PCDHGC3: variants seen among roughly 807,000 people sequenced by gnomAD.
PCDHGC3 encodes the protein protocadherin gamma-C3.
Under a neutral mutation model 59.2 loss-of-function variants are expected in PCDHGC3, and 26 were observed. The observed-to-expected ratio is 0.44, with a 90% CI of 0.32 to 0.61. PCDHGC3 has a LOEUF of 0.61. Ranked by LOEUF, PCDHGC3 falls within the 20% of genes least tolerant of loss-of-function variation. The pLI, the probability that PCDHGC3 is intolerant of heterozygous loss-of-function variation, is 0.05. For synonymous variants in PCDHGC3, 487 were observed against 519.7 expected (o/e 0.94, Z 0.86); for missense variants, 1,080 against 1,221.8 (o/e 0.88, Z 1.73).
rs1228831823 is a variant in PCDHGC3, at chr5:141,487,778, T to C, written c.2431-7029T>C. ...GGTAGACGCTGTGCTTTGTAACTGT[T>C]TCGTGAATTAACCAGAGTTGTCACA... On this transcript the variant is annotated intron_variant, in intron 1 of 3. Coordinates refer to ENST00000308177, the MANE Select transcript of PCDHGC3 (RefSeq NM_002588.4). The surrounding 1 kb of genome is among the most constrained non-coding windows in gnomAD (Gnocchi z 5.0). The C allele has an allele frequency of 6.5e-7, 1 of 1,531,514 alleles. No individual in the cohort carries two copies. The highest frequency in any genetic ancestry group is 2.0e-5 in the Admixed American group (1 of 49,632). 94.9% of individuals were successfully genotyped at this position (1,531,514 alleles called of 1,614,324 possible).
intron 2 of PCDHGC3, among the ~76,000 whole-genome samples, chr5:141,499,575 T>TCCCTA (rs2099792820): frequency 1.3e-5 from 2 of 152,202 alleles, no homozygotes; most frequent in Non-Finnish European, 2.9e-5. Context: ...CTTCAACTAA[T>TCCCTA]GCCTTATCTT....
At position 141,487,488 on chromosome 5, in the gene PCDHGC3, G is replaced by A; in HGVS notation, c.2431-7319G>A. ...GATGTGGGAGGCCACTCTCATGGCT[G>A]TACACCCTTGGCTTCTGCACCCACT... On this transcript the variant is annotated intron_variant, in intron 1 of 3. Transcript: ENST00000308177. This position sits in a 1 kb window ranked among gnomAD's most constrained non-coding sequence, Gnocchi z 5.0. The A allele has an allele frequency of 6.2e-7, 1 of 1,614,204 alleles. No homozygotes were observed. The highest frequency in any genetic ancestry group is 8.5e-7 in the Non-Finnish European group (1 of 1,180,038).
In PCDHGC3 at chr5:141,491,789, T is replaced by G; in HGVS notation, c.2431-3018T>G. The G allele has an allele frequency of 6.6e-7, 1 of 1,525,854 alleles. No individual in the cohort carries two copies. Among genetic ancestry groups the G allele is most frequent in the Non-Finnish European group, 8.8e-7 (1 of 1,137,340 alleles). The allele number at this position is 1,525,854 out of a possible 1,614,324, so 94.5% of individuals were successfully genotyped here. ...CATAAGGGATTGAACTTGCATCCAC[T>G]CCTCTCCGGCCGGCTTGGTCGCTGG... On this transcript the variant is annotated intron_variant, in intron 1 of 3. Transcript: ENST00000308177. The surrounding 1 kb of genome is among the most constrained non-coding windows in gnomAD (Gnocchi z 6.9).
chr5:141,503,671 A>G (rs1028896082), intron 2 of PCDHGC3, among the ~76,000 whole-genome samples: 2 of 151,950 alleles, frequency 1.3e-5, no homozygotes, highest in Non-Finnish European at 2.9e-5. Flanking sequence ...AACTCTTCCC[A>G]CTTTTGGGAA....
intron 2 of PCDHGC3, among the ~76,000 whole-genome samples, chr5:141,501,420 T>C (rs1429838126): frequency 6.6e-6 from 1 of 152,006 alleles, no homozygotes; most frequent in Non-Finnish European, 1.5e-5. Context: ...AATAGTTGAC[T>C]AAATGTAGTC....
chr5:141,492,461 G>T (rs1218833302), intron 1 of PCDHGC3, among the ~76,000 whole-genome samples: 1 of 152,212 alleles, frequency 6.6e-6, no homozygotes, highest in Non-Finnish European at 1.5e-5. Flanking sequence ...CGCGCCTGAG[G>T]GTCCCAGATC....
rs1231863269 is a variant in PCDHGC3 at position 141,485,594 on chromosome 5, G to A, written c.2430+7048G>A. 1.9e-6 allele frequency: 3 copies of A among 1,612,578 alleles called. No individual in the cohort carries two copies. The highest frequency in any genetic ancestry group is 2.5e-6 in the Non-Finnish European group (3 of 1,178,798). On this transcript the variant is annotated intron_variant, in intron 1 of 3. Transcript: ENST00000308177. The surrounding 1 kb of genome is among the most constrained non-coding windows in gnomAD (Gnocchi z 5.7). ...TTTTCCGCGGCAGCAGCTGGACTTGGAAATTGGGGAGGCAGCTCCTCCAGG... is the reference window on the plus strand; with the variant it reads ...TTTTCCGCGGCAGCAGCTGGACTTGAAAATTGGGGAGGCAGCTCCTCCAGG...
chr5:141,485,454 C>T lies in PCDHGC3; in HGVS notation c.2430+6908C>T. On this transcript the variant is annotated intron_variant, in intron 1 of 3. Transcript: ENST00000308177. This position sits in a 1 kb window ranked among gnomAD's most constrained non-coding sequence, Gnocchi z 5.7. Reference sequence around the variant, plus strand: ...ATCAAGAACCCAATCGACCGAGAGGCACTGTGTGGGCTCAGTGCCAGCTGC... The same window carrying T: ...ATCAAGAACCCAATCGACCGAGAGGTACTGTGTGGGCTCAGTGCCAGCTGC... The T allele has an allele frequency of 6.2e-7, 1 of 1,614,162 alleles. No homozygotes were observed. Among genetic ancestry groups the T allele is most frequent in the East Asian group, 2.2e-5 (1 of 44,868 alleles).
chr5:141,482,248 C>G (rs1056466272), intron 1 of PCDHGC3, among the ~76,000 whole-genome samples: 1 of 152,084 alleles, frequency 6.6e-6, no homozygotes, highest in African/African-American at 2.4e-5. Context: ...AAGTATAGTA[C>G]TGTACATATT....
intron 1 of PCDHGC3, among the ~76,000 whole-genome samples, chr5:141,480,753 G>A (rs1418880497): frequency 1.3e-5 from 2 of 152,144 alleles, no homozygotes; most frequent in Non-Finnish European, 2.9e-5. Flanking sequence ...ATCATTTTTT[G>A]AAGGTCCCCA....
rs1375469711 is a variant in PCDHGC3, at chr5:141,512,102, C to A, written c.*929C>A. On this transcript the variant is annotated 3_prime_UTR_variant, in exon 4 of 4. Coordinates refer to ENST00000308177, the MANE Select transcript of PCDHGC3 (RefSeq NM_002588.4). ...GCCATAAACCAATAACTAGGCTGGA[C>A]CCTTCCCACTACATAATAGGGCTCA... The A allele has an allele frequency of 6.5e-6, 1 of 152,688 alleles. No individual in the cohort carries two copies. Among genetic ancestry groups the A allele is most frequent in the Non-Finnish European group, 1.5e-5 (1 of 68,070 alleles). The allele number at this position is 152,688 out of a possible 1,614,324, so 9.5% of individuals were successfully genotyped here. A position where few individuals can be genotyped will look rare whatever the true frequency, so the allele number is the denominator to read the frequency against.
Position 141,485,465 on chromosome 5 carries a change from C to A in PCDHGC3, c.2430+6919C>A, listed in dbSNP as rs2099614061. 6.2e-7 allele frequency: 1 copy of A among 1,614,044 alleles called. No homozygotes were observed. Among genetic ancestry groups the A allele is most frequent in the African/African-American group, 1.3e-5 (1 of 74,918 alleles). ...AATCGACCGAGAGGCACTGTGTGGG[C>A]TCAGTGCCAGCTGCATCGTGCCCCT... On this transcript the variant is annotated intron_variant, in intron 1 of 3. Transcript: ENST00000308177. This position sits in a 1 kb window ranked among gnomAD's most constrained non-coding sequence, Gnocchi z 5.7.
intron 1 of PCDHGC3, 96 bp downstream of exon 1, chr5:141,478,642 T>C (rs777741719): frequency 6.4e-7 from 1 of 1,552,350 alleles, no homozygotes; most frequent in Non-Finnish European, 8.7e-7. Context: ...GTGATGAAGA[T>C]GTTTTCCTGG....
At chr5:141,501,355 A>G (rs936121172) in intron 2 of PCDHGC3, among the ~76,000 whole-genome samples, 4 of 151,760 alleles carry the variant, frequency 2.6e-5, no homozygotes, top group African/African-American at 9.7e-5. Flanking sequence ...ATAGGGCAAG[A>G]ACCATATTCA....
At chr5:141,508,879 G>A (rs2547559) in intron 3 of PCDHGC3, among the ~76,000 whole-genome samples, 2 of 152,070 alleles carry the variant, frequency 1.3e-5, no homozygotes, top group East Asian at 3.9e-4. Context: ...AGAGGCTGAC[G>A]GCTGGAGGGG....
At position 141,485,437 on chromosome 5, in the gene PCDHGC3, C is replaced by A. The variant is rs2099613420; in HGVS notation, c.2430+6891C>A. The A allele has an allele frequency of 6.2e-7, 1 of 1,614,174 alleles. No individual in the cohort carries two copies. Among genetic ancestry groups the A allele is most frequent in the Non-Finnish European group, 8.5e-7 (1 of 1,180,028 alleles). On this transcript the variant is annotated intron_variant, in intron 1 of 3. Transcript: ENST00000308177. The surrounding 1 kb of genome is among the most constrained non-coding windows in gnomAD (Gnocchi z 5.7). ...ACAGCGGAGCCCTGCTCATCAAGAA[C>A]CCAATCGACCGAGAGGCACTGTGTG...
In PCDHGC3 at chr5:141,476,336, C is replaced by A; in HGVS notation, c.220C>A (p.Arg74=). 18 of 1,614,008 alleles carry A rather than the reference C, an allele frequency of 1.1e-5. No homozygotes were observed. Among genetic ancestry groups the A allele is most frequent in the Non-Finnish European group, 1.5e-5 (18 of 1,180,008 alleles). ...RRFRVVSGAS[R]RFFEVNRETG... is the part of the protein sequence containing the mutation. ...GTTCCGGGTGGTGTCTGGAGCTAGC[C>A]GAAGATTCTTTGAGGTGAACCGGGA... Residue 74 remains arginine (R), a synonymous_variant, in exon 1 of 4, where the codon CGA becomes AGA. Coordinates refer to ENST00000308177, the MANE Select transcript of PCDHGC3 (RefSeq NM_002588.4). The surrounding 1 kb of genome is among the most constrained non-coding windows in gnomAD (Gnocchi z 7.6).
intron 3 of PCDHGC3, among the ~76,000 whole-genome samples, chr5:141,506,298 A>C (rs887906455): frequency 6.6e-6 from 1 of 151,936 alleles, no homozygotes; most frequent in Non-Finnish European, 1.5e-5. Context: ...AAAATACAAA[A>C]ATTAGCTGGG....
intron 2 of PCDHGC3, among the ~76,000 whole-genome samples, chr5:141,500,136 A>G (rs966215589): frequency 6.6e-6 from 1 of 151,606 alleles, no homozygotes; most frequent in African/African-American, 2.4e-5. Flanking sequence ...ATATCTTTCT[A>G]AACTTTTCTT....
Sources: allele counts gnomAD v4.1 joint callset (sites outside exome capture counted in the v4.1 genomes callset), GRCh38; gene constraint gnomAD v4.1.1; non-coding constraint Gnocchi (gnomAD v3.1); transcripts MANE v1.5; gene names NCBI Gene and HGNC (gene_info 2026-07-23, HGNC 2026-07-21).